The following GTF2E2 variants were observed in gnomAD, a reference collection of about 807,000 sequenced individuals.
The protein encoded by GTF2E2 is general transcription factor IIE subunit 2, also known as transcription initiation factor IIE subunit beta.
Under a neutral mutation model 40.5 loss-of-function variants are expected in GTF2E2, and 21 were observed. The ratio of observed to expected loss-of-function variants is 0.52; its 90% CI spans 0.37 to 0.75. The LOEUF is 0.75. Among genes scored for constraint, GTF2E2 ranks in the 30% least tolerant of loss-of-function variants. The pLI, the probability that GTF2E2 is intolerant of heterozygous loss-of-function variation, is 0.00. For missense variants in GTF2E2, 298 were observed against 338.4 expected (o/e 0.88, Z 0.94); for synonymous variants, 117 against 121.6 (o/e 0.96, Z 0.25).
At chr8:30,648,902 C>T (rs1013018986) in intron 2 of GTF2E2, among the ~76,000 whole-genome samples, 2 of 152,168 alleles carry the variant, frequency 1.3e-5, no homozygotes, top group African/African-American at 2.4e-5. Flanking sequence ...CCCTGGCCAA[C>T]CAAAGAGAAG....
intron 2 of GTF2E2, among the ~76,000 whole-genome samples, chr8:30,641,652 G>A (rs558510725): frequency 1.3e-5 from 2 of 152,278 alleles, no homozygotes; most frequent in South Asian, 2.1e-4. Flanking sequence ...CAAGGTGGGT[G>A]GATTACCTGA....
At chr8:30,592,112 T>C (rs560959725) in intron 6 of GTF2E2, among the ~76,000 whole-genome samples, 4 of 152,260 alleles carry the variant, frequency 2.6e-5, no homozygotes, top group Non-Finnish European at 5.9e-5. Context: ...GTGTGGTGGC[T>C]CACATCTGTA....
intron 6 of GTF2E2, among the ~76,000 whole-genome samples, chr8:30,581,965 C>T (rs562084927): frequency 6.6e-6 from 1 of 152,260 alleles, no homozygotes; most frequent in South Asian, 2.1e-4. Context: ...TATGAAATAC[C>T]ATCATTGTCT....
At chr8:30,594,133 T>C (rs574452344) in intron 6 of GTF2E2, among the ~76,000 whole-genome samples, 26 of 152,150 alleles carry the variant, frequency 1.7e-4, no homozygotes, top group Non-Finnish European at 3.5e-4. Context: ...GGTTTCACCA[T>C]GTTGGCTAGG....
At chr8:30,647,541 A>G (rs1802137222) in intron 2 of GTF2E2, among the ~76,000 whole-genome samples, 1 of 152,236 alleles carries the variant, frequency 6.6e-6, no homozygotes, top group South Asian at 2.1e-4. Context: ...AGATCATGCC[A>G]TCGCACTCCA....
chr8:30,590,194 C>T (rs1388095793), intron 6 of GTF2E2, among the ~76,000 whole-genome samples: 1 of 152,186 alleles, frequency 6.6e-6, no homozygotes, highest in Non-Finnish European at 1.5e-5. Context: ...CACAGCATGT[C>T]CCTTTCGAAT....
At chr8:30,606,331 A>T (rs1829315478) in intron 6 of GTF2E2, among the ~76,000 whole-genome samples, 1 of 152,238 alleles carries the variant, frequency 6.6e-6, no homozygotes, top group Admixed American at 6.5e-5. Flanking sequence ...GACAGATAAC[A>T]AAAGGAAAAC....
intron 6 of GTF2E2, among the ~76,000 whole-genome samples, chr8:30,592,190 C>A (rs765721589): frequency 5.9e-5 from 9 of 152,050 alleles, no homozygotes; most frequent in Non-Finnish European, 8.8e-5. Context: ...CCAGACTGGG[C>A]AACACTGCAA....
intron 1 of GTF2E2, among the ~76,000 whole-genome samples, chr8:30,655,886 A>T (rs977335280): frequency 6.6e-6 from 1 of 151,844 alleles, no homozygotes; most frequent in Non-Finnish European, 1.5e-5. Flanking sequence ...TCTCGGCTCA[A>T]TGCAACCTCC....
chr8:30,598,322 G>A (rs1256204833), intron 6 of GTF2E2, among the ~76,000 whole-genome samples: 1 of 152,074 alleles, frequency 6.6e-6, no homozygotes, highest in Non-Finnish European at 1.5e-5. Context: ...TGACACAATC[G>A]CAGAGGTAAT....
chr8:30,638,119 C>G (rs1027894459), intron 2 of GTF2E2, among the ~76,000 whole-genome samples: 15 of 152,078 alleles, frequency 9.9e-5, no homozygotes, highest in Non-Finnish European at 2.1e-4. Context: ...TAAATCAAAC[C>G]ACCACATGGA....
chr8:30,585,773 A>T (rs4733194), intron 6 of GTF2E2, among the ~76,000 whole-genome samples: 36 of 5,988 alleles, frequency 6.0e-3, no homozygotes, highest in Non-Finnish European at 8.9e-3. Flanking sequence ...TTTGCCCTTT[A>T]AAAAAAAAAA....
intron 3 of GTF2E2, among the ~76,000 whole-genome samples, chr8:30,631,524 CT>C (rs1446614636): frequency 1.3e-5 from 2 of 152,254 alleles, no homozygotes; most frequent in East Asian, 3.9e-4. Flanking sequence ...GTGTGCATTA[CT>C]CAATATGGTA....
intron 5 of GTF2E2, among the ~76,000 whole-genome samples, chr8:30,609,000 C>T (rs1039673247): frequency 2.0e-5 from 3 of 152,138 alleles, no homozygotes; most frequent in Non-Finnish European, 2.9e-5. Context: ...CCACCCGCCT[C>T]GGCCTCCCAA....
chr8:30,635,629 C>T (rs533874110), intron 2 of GTF2E2, among the ~76,000 whole-genome samples: 21 of 152,206 alleles, frequency 1.4e-4, no homozygotes, highest in African/African-American at 5.1e-4. Flanking sequence ...GAGATTCACC[C>T]ATCTCAGCCT....
chr8:30,637,757 G>C (rs906677630), intron 2 of GTF2E2, among the ~76,000 whole-genome samples: 6 of 152,124 alleles, frequency 3.9e-5, no homozygotes, highest in African/African-American at 1.4e-4. Context: ...TCCTGACCCT[G>C]TGATCCACCC....
At chr8:30,621,636 C>G (rs1801105554) in intron 3 of GTF2E2, among the ~76,000 whole-genome samples, 1 of 152,088 alleles carries the variant, frequency 6.6e-6, no homozygotes, top group African/African-American at 2.4e-5. Flanking sequence ...CTTTGTTTCA[C>G]TTTCTTATTT....
intron 3 of GTF2E2, among the ~76,000 whole-genome samples, chr8:30,626,257 TG>T (rs1195427916): frequency 6.6e-6 from 1 of 152,166 alleles, no homozygotes; most frequent in Non-Finnish European, 1.5e-5. Context: ...GAGGCCAACG[TG>T]GGCAGATCAC....
At chr8:30,592,975 C>T (rs549792490) in intron 6 of GTF2E2, among the ~76,000 whole-genome samples, 1 of 152,012 alleles carries the variant, frequency 6.6e-6, no homozygotes, top group Non-Finnish European at 1.5e-5. Context: ...CTGAGGCAGG[C>T]GGGTCACTTG....
Sources: allele counts gnomAD v4.1 joint callset (sites outside exome capture counted in the v4.1 genomes callset), GRCh38; gene constraint gnomAD v4.1.1; transcripts MANE v1.5; gene names NCBI Gene and HGNC (gene_info 2026-07-23, HGNC 2026-07-21).